NMNAT2: variants seen among roughly 807,000 people sequenced by gnomAD.
The protein encoded by NMNAT2 is nicotinamide/nicotinic acid mononucleotide adenylyltransferase 2.
NMNAT2 carries 11 observed loss-of-function variants against 41.6 expected under a neutral mutation model. The ratio of observed to expected loss-of-function variants is 0.26; its 90% CI spans 0.17 to 0.44. NMNAT2 has a LOEUF of 0.44. NMNAT2 is among the 20% of genes least tolerant of loss of function. NMNAT2 has a pLI of 1.00. For synonymous variants in NMNAT2, 148 were observed against 151.2 expected (o/e 0.98, Z 0.16); for missense variants, 288 against 407.7 (o/e 0.71, Z 2.53).
At chr1:183,365,973 C>T (rs1334124414) in intron 1 of NMNAT2, among the ~76,000 whole-genome samples, 1 of 152,218 alleles carries the variant, frequency 6.6e-6, no homozygotes, top group Non-Finnish European at 1.5e-5. Context: ...AACTTCCTTT[C>T]CCTCTCCATC....
intron 1 of NMNAT2, among the ~76,000 whole-genome samples, chr1:183,298,014 C>T (rs963455824): frequency 1.3e-5 from 2 of 152,244 alleles, no homozygotes; most frequent in African/African-American, 4.8e-5. Context: ...TCATTCATGA[C>T]AAAAACTCTC....
intron 1 of NMNAT2, among the ~76,000 whole-genome samples, chr1:183,353,930 C>T (rs1383845878): frequency 1.3e-5 from 2 of 152,146 alleles, no homozygotes; most frequent in Non-Finnish European, 2.9e-5. Flanking sequence ...GAATTGGCTC[C>T]ATTCCCTCTC....
intron 4 of NMNAT2, among the ~76,000 whole-genome samples, chr1:183,287,770 C>A (rs889349863): frequency 6.6e-6 from 1 of 152,320 alleles, no homozygotes; most frequent in Middle Eastern, 3.4e-3. Flanking sequence ...TGCACGCTAC[C>A]CTTTCTGGAT....
At chr1:183,330,840 T>C (rs924262893) in intron 1 of NMNAT2, among the ~76,000 whole-genome samples, 1 of 152,196 alleles carries the variant, frequency 6.6e-6, no homozygotes, top group East Asian at 1.9e-4. Flanking sequence ...TCCTTTCAGA[T>C]ATCTAGAGTA....
At chr1:183,257,250 G>T (rs887843368) in intron 10 of NMNAT2, among the ~76,000 whole-genome samples, 1 of 151,994 alleles carries the variant, frequency 6.6e-6, no homozygotes, top group Non-Finnish European at 1.5e-5. Context: ...AGACCAGCCT[G>T]GCCAACATAG....
intron 1 of NMNAT2, among the ~76,000 whole-genome samples, chr1:183,341,940 G>A (rs1245127370): frequency 6.6e-6 from 1 of 151,560 alleles, no homozygotes; most frequent in Non-Finnish European, 1.5e-5. Context: ...TACCTAAGGT[G>A]GAATCCCACC....
chr1:183,389,814 AAGAAAGAAAGAAAG>A (rs1557897696), intron 1 of NMNAT2, among the ~76,000 whole-genome samples: 1 of 84,630 alleles, frequency 1.2e-5, no homozygotes, highest in Non-Finnish European at 2.6e-5. Flanking sequence ...GAAAGAAAGA[AAGAAAGAAAGAAAG>A]AAAGAAAGAA....
intron 3 of NMNAT2, chr1:183,290,787 G>C (rs1661519732): frequency 6.6e-6 from 1 of 152,270 alleles, no homozygotes; most frequent in African/African-American, 2.4e-5. Flanking sequence ...TGCCTTGTGG[G>C]CGTGGAGGTG....
chr1:183,346,564 A>G (rs2102349131), intron 1 of NMNAT2, among the ~76,000 whole-genome samples: 1 of 152,316 alleles, frequency 6.6e-6, no homozygotes, highest in Admixed American at 6.5e-5. Context: ...AAATCAGGAG[A>G]CAGAGATAAT....
intron 1 of NMNAT2, among the ~76,000 whole-genome samples, chr1:183,323,345 C>T (rs781570881): frequency 6.6e-6 from 1 of 152,176 alleles, no homozygotes; most frequent in South Asian, 2.1e-4. Context: ...AGGGAGTTAT[C>T]CTTGCTTCCT....
At chr1:183,283,722 T>G (rs959603452) in intron 7 of NMNAT2, 4 of 471,196 alleles carry the variant, frequency 8.5e-6, no homozygotes, top group Non-Finnish European at 1.2e-5. Flanking sequence ...TCAACTTTCA[T>G]GTTTTTTAGA....
intron 1 of NMNAT2, among the ~76,000 whole-genome samples, chr1:183,388,068 C>T (rs1648314492): frequency 6.6e-6 from 1 of 152,220 alleles, no homozygotes; most frequent in African/African-American, 2.4e-5. Context: ...AGGAAACTCA[C>T]AAAGCAGGTA....
chr1:183,377,690 A>G (rs572056899), intron 1 of NMNAT2, among the ~76,000 whole-genome samples: 157 of 152,340 alleles, frequency 1.0e-3, no homozygotes, highest in African/African-American at 3.5e-3. Context: ...GTCCTATACA[A>G]CATGTTCAGT....
chr1:183,303,882 A>G (rs1571586455), intron 1 of NMNAT2, among the ~76,000 whole-genome samples: 1 of 152,168 alleles, frequency 6.6e-6, no homozygotes. Flanking sequence ...CTAGTTATGG[A>G]TTTCCTCTCC....
At position 183,389,626 on chromosome 1, in the gene NMNAT2, C is replaced by G. The variant is rs1159197523; in HGVS notation, c.85+28557G>C. ...GGGCACATGCCTGTAGTCCCAGCTACTTGGGAGGCTGAGGTGGGAGGATTG... is the reference window on the plus strand; with the variant it reads ...GGGCACATGCCTGTAGTCCCAGCTAGTTGGGAGGCTGAGGTGGGAGGATTG... On this transcript the variant is annotated intron_variant, in intron 1 of 10. Coordinates refer to ENST00000287713, the MANE Select transcript of NMNAT2 (RefSeq NM_015039.4). Among the ~76,000 whole-genome samples the G allele has an allele frequency of 2.1e-4, 31 of 151,126 alleles. 1 individual carries two copies. In the Admixed American group the frequency reaches 2.1e-3, roughly 10 times the overall value.
chr1:183,359,825 G>C (rs1238357268), intron 1 of NMNAT2, among the ~76,000 whole-genome samples: 2 of 152,166 alleles, frequency 1.3e-5, no homozygotes, highest in Non-Finnish European at 2.9e-5. Flanking sequence ...TTTGTTCTTG[G>C]AACTTTGGCT....
intron 10 of NMNAT2, among the ~76,000 whole-genome samples, chr1:183,254,716 T>C (rs1261805814): frequency 2.0e-5 from 3 of 152,246 alleles, no homozygotes; most frequent in Non-Finnish European, 4.4e-5. Context: ...GGATTATAGG[T>C]ATGAGCCATC....
At chr1:183,291,369 G>A (rs765152040) in intron 3 of NMNAT2, among the ~76,000 whole-genome samples, 4 of 152,186 alleles carry the variant, frequency 2.6e-5, no homozygotes, top group East Asian at 1.9e-4. Flanking sequence ...CGGGACCCTG[G>A]CTCCCCCTAG....
chr1:183,314,021 A>C (rs979953313), intron 1 of NMNAT2, among the ~76,000 whole-genome samples: 2 of 152,104 alleles, frequency 1.3e-5, no homozygotes, highest in African/African-American at 4.8e-5. Context: ...CATGTTTATG[A>C]GACAGGCTCT....
Sources: allele counts gnomAD v4.1 joint callset (sites outside exome capture counted in the v4.1 genomes callset), GRCh38; gene constraint gnomAD v4.1.1; transcripts MANE v1.5; gene names NCBI Gene and HGNC (gene_info 2026-07-23, HGNC 2026-07-21).